The following WDFY4 variants were observed in gnomAD, a reference collection of about 807,000 sequenced individuals.
The protein encoded by WDFY4 is WD repeat- and FYVE domain-containing protein 4.
In WDFY4, 169 loss-of-function variants were observed where a neutral mutation model predicts 351.9. That is an observed-to-expected ratio of 0.48 (90% CI 0.42 to 0.55). The LOEUF (loss-of-function observed/expected upper bound fraction) is 0.55, where lower values mean the gene tolerates loss of function less well. Among genes scored for constraint, WDFY4 ranks in the 20% least tolerant of loss-of-function variants. WDFY4 has a pLI of 0.00. For synonymous variants in WDFY4, 1,622 were observed against 1,574.6 expected, an observed-to-expected ratio of 1.03 and a Z score of -0.71; for missense variants, 3,803 against 3,935.6, an observed-to-expected ratio of 0.97 and a Z score of 0.90.
At chr10:48,918,040 A>G (rs1043699299) in intron 47 of WDFY4, among the ~76,000 whole-genome samples, 2 of 152,244 alleles carry the variant, frequency 1.3e-5, no homozygotes, top group African/African-American at 4.8e-5. Context: ...ACAGTAAAGT[A>G]TGTGTATTTT....
intron 13 of WDFY4, 110 bp downstream of exon 13, chr10:48,760,550 C>A (rs1481389765): frequency 9.4e-7 from 1 of 1,062,752 alleles, no homozygotes; most frequent in Non-Finnish European, 1.4e-6. Context: ...CAGTGCCCTG[C>A]GTTAGCAGAG....
At chr10:48,885,871 A>G (rs946135988) in intron 43 of WDFY4, among the ~76,000 whole-genome samples, 5 of 152,146 alleles carry the variant, frequency 3.3e-5, no homozygotes, top group African/African-American at 9.7e-5. Context: ...AAAAGTAGAT[A>G]CTAGAGCTCA....
At chr10:48,774,199 T>C (rs1164929251) in intron 13 of WDFY4, among the ~76,000 whole-genome samples, 1 of 152,234 alleles carries the variant, frequency 6.6e-6, no homozygotes, top group African/African-American at 2.4e-5. Context: ...GTGGCCTCCA[T>C]CTTTAGCCAT....
At chr10:48,843,930 CAA>C (rs940175906) in intron 39 of WDFY4, among the ~76,000 whole-genome samples, 2 of 152,196 alleles carry the variant, frequency 1.3e-5, no homozygotes, top group African/African-American at 4.8e-5. Flanking sequence ...CTCTAGCATT[CAA>C]AAGACAGAAG....
intron 2 of WDFY4, among the ~76,000 whole-genome samples, chr10:48,715,425 T>G (rs539846413): frequency 1.3e-5 from 2 of 152,326 alleles, no homozygotes; most frequent in South Asian, 4.1e-4. Flanking sequence ...AACTTAGTTG[T>G]ATTTAGAGGT....
intron 47 of WDFY4, among the ~76,000 whole-genome samples, chr10:48,931,970 G>C (rs1840040028): frequency 6.6e-6 from 1 of 152,188 alleles, no homozygotes; most frequent in Admixed American, 6.5e-5. Flanking sequence ...TCCCTTTCCT[G>C]CTGTGCCTGA....
chr10:48,795,004 G>A (rs1280006316), intron 23 of WDFY4, among the ~76,000 whole-genome samples: 1 of 152,142 alleles, frequency 6.6e-6, no homozygotes, highest in Non-Finnish European at 1.5e-5. Context: ...TTTTTACAAT[G>A]AGAAATACTA....
chr10:48,757,498 T>C (rs537201638), intron 12 of WDFY4, among the ~76,000 whole-genome samples: 2 of 152,096 alleles, frequency 1.3e-5, no homozygotes, highest in Non-Finnish European at 2.9e-5. Context: ...TTTTAACCTA[T>C]CTATATCACA....
chr10:48,788,789 C>A, intron 21 of WDFY4, 114 bp downstream of exon 21: 2 of 1,336,474 alleles, frequency 1.5e-6, no homozygotes, highest in Non-Finnish European at 2.0e-6. Context: ...TAGATGGATA[C>A]ACAAATACAT....
At chr10:48,941,318 G>A (rs1840747452) in intron 47 of WDFY4, among the ~76,000 whole-genome samples, 1 of 152,252 alleles carries the variant, frequency 6.6e-6, no homozygotes, top group East Asian at 1.9e-4. Context: ...ATATAGGCAG[G>A]CATATGGGTA....
chr10:48,713,325 T>C (rs1018865735), intron 2 of WDFY4, among the ~76,000 whole-genome samples: 1 of 152,252 alleles, frequency 6.6e-6, no homozygotes, highest in Non-Finnish European at 1.5e-5. Context: ...AGCTACTTCT[T>C]TGGCATCTTC....
chr10:48,689,069 G>A (rs907518191), intron 1 of WDFY4, among the ~76,000 whole-genome samples: 1 of 151,050 alleles, frequency 6.6e-6, no homozygotes, highest in African/African-American at 2.4e-5. Flanking sequence ...TGGTAGACAA[G>A]CAAGGCAGCT....
intron 39 of WDFY4, among the ~76,000 whole-genome samples, chr10:48,852,275 T>A (rs1357476205): frequency 6.6e-6 from 1 of 152,210 alleles, no homozygotes; most frequent in Admixed American, 6.5e-5. Context: ...CAAAGACTGA[T>A]CTTCCTACTC....
chr10:48,906,299 C>T (rs1437375078), intron 47 of WDFY4, among the ~76,000 whole-genome samples: 1 of 151,074 alleles, frequency 6.6e-6, no homozygotes, highest in East Asian at 1.9e-4. Context: ...CCATCCCACA[C>T]ATACAGGAAA....
At chr10:48,919,311 T>G (rs1344807680) in intron 47 of WDFY4, among the ~76,000 whole-genome samples, 28 of 151,966 alleles carry the variant, frequency 1.8e-4, no homozygotes, top group Admixed American at 1.8e-3. Flanking sequence ...TTAGATAAGA[T>G]CAACTAAAAA....
intron 52 of WDFY4, 112 bp downstream of exon 52, chr10:48,957,394 C>T: frequency 1.5e-6 from 2 of 1,368,410 alleles, no homozygotes; most frequent in Non-Finnish European, 2.0e-6. Context: ...TCCCCAGGAC[C>T]TCAACTTCGG....
chr10:48,827,799 G>C (rs1343182091), intron 36 of WDFY4, among the ~76,000 whole-genome samples: 2 of 151,840 alleles, frequency 1.3e-5, no homozygotes, highest in African/African-American at 4.8e-5. Flanking sequence ...AACTCTCTGG[G>C]AAGCCCTGGG....
At chr10:48,947,588 C>T (rs1841112826) in intron 51 of WDFY4, among the ~76,000 whole-genome samples, 1 of 152,160 alleles carries the variant, frequency 6.6e-6, no homozygotes, top group Non-Finnish European at 1.5e-5. Context: ...TGTATATGGC[C>T]ACTCTGGTGT....
chr10:48,882,168 G>A (rs1016049746), intron 43 of WDFY4, among the ~76,000 whole-genome samples: 1 of 152,142 alleles, frequency 6.6e-6, no homozygotes, highest in Admixed American at 6.5e-5. Context: ...GACCCAGCTT[G>A]AGGGAGGGCA....
Sources: gnomAD v4.1 joint callset for allele counts (sites outside exome capture counted in the v4.1 genomes callset) on GRCh38, gnomAD v4.1.1 for gene constraint, MANE v1.5 for transcripts, NCBI Gene and HGNC (gene_info 2026-07-23, HGNC 2026-07-21) for gene names.